UTP6: variants seen among roughly 807,000 people sequenced by gnomAD.
The protein encoded by UTP6 is U3 small nucleolar RNA-associated protein 6 homolog.
In UTP6, 60 loss-of-function variants were observed where a neutral mutation model predicts 96.5. The ratio of observed to expected loss-of-function variants is 0.62; its 90% CI spans 0.51 to 0.77. The LOEUF (loss-of-function observed/expected upper bound fraction) is 0.77. Ranked by LOEUF, UTP6 falls within the 30% of genes least tolerant of loss-of-function variation. UTP6 has a pLI of 0.00. For synonymous variants in UTP6, 215 were observed against 240.1 expected, an observed-to-expected ratio of 0.90 and a Z score of 0.96; for missense variants, 637 against 706.5, an observed-to-expected ratio of 0.90 and a Z score of 1.12.
rs1408904780 is a variant in UTP6, at chr17:31,861,877, A to G, written c.*1482T>C. 6.6e-6 allele frequency: 1 copy of G among 152,246 alleles called. No homozygotes were observed. Among genetic ancestry groups the G allele is most frequent in the Non-Finnish European group, 1.5e-5 (1 of 68,042 alleles). 9.4% of individuals were successfully genotyped at this position (152,246 alleles called of 1,614,324 possible). A position where few individuals can be genotyped will look rare whatever the true frequency, so the allele number is the denominator to read the frequency against. ...ATACATATCAGTATTCTCTAAAAGC[A>G]GTATCCTTTGATCCAGTAATTCCAC... On this transcript the variant is annotated 3_prime_UTR_variant, in exon 19 of 19. Transcript: ENST00000261708.
intron 7 of UTP6, 116 bp from the exon 8 acceptor site, chr17:31,887,429 C>A: frequency 1.3e-6 from 1 of 753,322 alleles, no homozygotes. Flanking sequence ...CTCATTTCGG[C>A]CATGAATTCC....
In UTP6 at chr17:31,863,534, T is replaced by A. The variant is rs1360519645; in HGVS notation, c.1637-18A>T. On this transcript the variant is annotated intron_variant, in intron 18 of 18. Coordinates refer to ENST00000261708, the MANE Select transcript of UTP6 (RefSeq NM_018428.3). ...CCAAAGATCTTTTAAAAAAAAAACATACAATTAGATAACTGACAGAGTGTT... is the reference window on the plus strand; with the variant it reads ...CCAAAGATCTTTTAAAAAAAAAACAAACAATTAGATAACTGACAGAGTGTT... 2.5e-6 allele frequency: 4 copies of A among 1,576,530 alleles called. No homozygotes were observed. Among genetic ancestry groups the A allele is most frequent in the Non-Finnish European group, 2.6e-6 (3 of 1,158,386 alleles).
In UTP6 at chr17:31,901,642, A is replaced by G; in HGVS notation, c.-15T>C. ...ATCTCTGCCATGAGGTCCGAGGTCT[A>G]CAACCCCGCGGGTAGCTTCTCAACA... On this transcript the variant is annotated 5_prime_UTR_variant, in exon 1 of 19. Transcript: ENST00000261708. The G allele has an allele frequency of 1.9e-6, 3 of 1,612,440 alleles. No individual in the cohort carries two copies. The highest frequency in any genetic ancestry group is 1.7e-6 in the Non-Finnish European group (2 of 1,179,738).
chr17:31,898,814 G>GT (rs1346593011), intron 2 of UTP6, among the ~76,000 whole-genome samples: 1 of 152,198 alleles, frequency 6.6e-6, no homozygotes, highest in Non-Finnish European at 1.5e-5. Flanking sequence ...GCCGATGCTG[G>GT]TGGATTGCTT....
At chr17:31,880,301 G>A in intron 11 of UTP6, 2 of 391,266 alleles carry the variant, frequency 5.1e-6, no homozygotes, top group South Asian at 4.8e-5. Context: ...GGCACCCGTA[G>A]TCCCAGCTAT....
intron 5 of UTP6, 69 bp from the exon 6 acceptor site, chr17:31,892,392 G>A: frequency 6.9e-7 from 1 of 1,459,422 alleles, no homozygotes; most frequent in Non-Finnish European, 9.5e-7. Flanking sequence ...TAAGTAATAT[G>A]TACCCTAACT....
At chr17:31,894,076 C>A (rs1356945522) in intron 4 of UTP6, among the ~76,000 whole-genome samples, 1 of 151,362 alleles carries the variant, frequency 6.6e-6, no homozygotes, top group African/African-American at 2.4e-5. Context: ...CGAGACCAGC[C>A]TAAAAAACAT....
chr17:31,890,340 G>A (rs1209695106), intron 6 of UTP6, among the ~76,000 whole-genome samples: 1 of 151,448 alleles, frequency 6.6e-6, no homozygotes, highest in African/African-American at 2.4e-5. Flanking sequence ...AAAAGGCCAG[G>A]CACAGTGGCT....
chr17:31,875,975 GA>G (rs1350501571), intron 13 of UTP6, among the ~76,000 whole-genome samples: 1 of 152,142 alleles, frequency 6.6e-6, no homozygotes, highest in East Asian at 1.9e-4. Context: ...CAAAAACAGG[GA>G]AGACGTAAAA....
At chr17:31,872,094 C>T (rs1910204554) in intron 16 of UTP6, among the ~76,000 whole-genome samples, 1 of 151,704 alleles carries the variant, frequency 6.6e-6, no homozygotes, top group South Asian at 2.1e-4. Context: ...ACTCAGGAGG[C>T]TGAGGCAGGA....
At chr17:31,869,071 AC>A (rs1224665108) in intron 16 of UTP6, among the ~76,000 whole-genome samples, 3 of 152,160 alleles carry the variant, frequency 2.0e-5, no homozygotes. Flanking sequence ...AGATCAAGCC[AC>A]TGCACTCCAA....
chr17:31,861,640 A>C lies in UTP6; in HGVS notation c.*1719T>G, dbSNP rs922661652. The C allele has an allele frequency of 7.2e-5, 11 of 152,134 alleles. No individual in the cohort carries two copies. The highest frequency in any genetic ancestry group is 2.7e-4 in the African/African-American group (11 of 41,438). 9.4% of individuals were successfully genotyped at this position (152,134 alleles called of 1,614,324 possible). On this transcript the variant is annotated 3_prime_UTR_variant, in exon 19 of 19. Transcript: ENST00000261708. ...ATTTAAAAAAAAAAATTAACTCATA[A>C]ATTAGTAAGAAAAAAAATTTTTAAA...
chr17:31,866,983 C>T (rs896893381), intron 17 of UTP6, among the ~76,000 whole-genome samples: 1 of 149,154 alleles, frequency 6.7e-6, no homozygotes, highest in Admixed American at 6.7e-5. Flanking sequence ...CTCATATGTG[C>T]ACGGCATTAT....
intron 2 of UTP6, among the ~76,000 whole-genome samples, chr17:31,898,901 A>G (rs1904809294): frequency 6.6e-6 from 1 of 151,816 alleles, no homozygotes; most frequent in East Asian, 2.0e-4. Context: ...GTGCGGTGCC[A>G]TACGCCTGTA....
chr17:31,865,339 T>C lies in UTP6; in HGVS notation c.1636+27A>G, dbSNP rs759437654. ...AGAAACACTGTTCTAACCATACTAA[T>C]TGGTCACAAATTAAGGGTTTACTTA... On this transcript the variant is annotated intron_variant, in intron 18 of 18. Transcript: ENST00000261708. 23 of 1,607,528 alleles carry C rather than the reference T, an allele frequency of 1.4e-5. No individual in the cohort carries two copies. In the South Asian group the frequency reaches 1.9e-4, roughly 13 times the overall value.
At chr17:31,886,122 C>A (rs376557539) in intron 8 of UTP6, 61 bp from the exon 9 acceptor site, 2 of 1,419,428 alleles carry the variant, frequency 1.4e-6, no homozygotes, top group African/African-American at 1.4e-5. Context: ...AGCACTAGGA[C>A]GAAAATTAAC....
At chr17:31,864,241 C>T (rs1386277925) in intron 18 of UTP6, among the ~76,000 whole-genome samples, 2 of 152,004 alleles carry the variant, frequency 1.3e-5, no homozygotes, top group Non-Finnish European at 2.9e-5. Context: ...AAAAATTAGC[C>T]GAGCATGGTG....
At chr17:31,889,130 C>CA (rs1196341242) in intron 7 of UTP6, among the ~76,000 whole-genome samples, 155 bp downstream of exon 7, 10 of 146,110 alleles carry the variant, frequency 6.8e-5, no homozygotes, top group East Asian at 4.1e-4. Flanking sequence ...ACTAAAAATA[C>CA]AAAAAAAATA....
At chr17:31,867,934 C>T (rs935874605) in intron 17 of UTP6, 112 bp downstream of exon 17, 2 of 992,028 alleles carry the variant, frequency 2.0e-6, no homozygotes, top group Non-Finnish European at 2.9e-6. Context: ...TCCAGCCTGG[C>T]AACAGAGCGA....
Sources: allele counts gnomAD v4.1 joint callset (sites outside exome capture counted in the v4.1 genomes callset), GRCh38; gene constraint gnomAD v4.1.1; transcripts MANE v1.5; gene names NCBI Gene and HGNC (gene_info 2026-07-23, HGNC 2026-07-21).